The following DCC variants were observed in gnomAD, a reference collection of about 807,000 sequenced individuals.
The protein encoded by DCC is DCC netrin 1 receptor.
In DCC, 58 loss-of-function variants were observed where a neutral mutation model predicts 172.5. The ratio of observed to expected loss-of-function variants is 0.34; its 90% CI spans 0.27 to 0.42. The LOEUF is 0.42. Ranked by LOEUF, DCC falls within the 10% of genes least tolerant of loss-of-function variation. DCC has a pLI of 1.00. For missense variants in DCC, 1,740 were observed against 1,791.0 expected (o/e 0.97, Z 0.51); for synonymous variants, 709 against 644.5 (o/e 1.10, Z -1.52).
intron 2 of DCC, among the ~76,000 whole-genome samples, chr18:52,840,182 G>T (rs2038780114): frequency 6.6e-6 from 1 of 152,242 alleles, no homozygotes; most frequent in African/African-American, 2.4e-5. Context: ...ACATTTCATT[G>T]CCCAACTGTT....
At chr18:52,516,366 T>C (rs1177938203) in intron 1 of DCC, among the ~76,000 whole-genome samples, 1 of 152,170 alleles carries the variant, frequency 6.6e-6, no homozygotes, top group Non-Finnish European at 1.5e-5. Context: ...GTTAAGCAAA[T>C]TGTGATTTGT....
At chr18:52,632,490 GT>G in intron 1 of DCC, among the ~76,000 whole-genome samples, 1 of 152,324 alleles carries the variant, frequency 6.6e-6, no homozygotes, top group South Asian at 2.1e-4. Flanking sequence ...CAAAATTTCT[GT>G]TTTGCCATTT....
At chr18:52,882,943 A>G (rs2145407516) in intron 2 of DCC, among the ~76,000 whole-genome samples, 1 of 152,102 alleles carries the variant, frequency 6.6e-6, no homozygotes, top group South Asian at 2.1e-4. Flanking sequence ...CCCACATTAG[A>G]TGTGTGTATA....
At chr18:53,428,313 A>ATCAAT in intron 21 of DCC, among the ~76,000 whole-genome samples, 2 of 29,008 alleles carry the variant, frequency 6.9e-5, no homozygotes, top group Non-Finnish European at 1.7e-4. Flanking sequence ...ATAGAATATA[A>ATCAAT]TATATAATAT....
At chr18:53,147,718 T>G (rs2043936748) in intron 7 of DCC, among the ~76,000 whole-genome samples, 1 of 152,236 alleles carries the variant, frequency 6.6e-6, no homozygotes, top group Non-Finnish European at 1.5e-5. Flanking sequence ...CCTGTCATTC[T>G]GCAACTCTGA....
intron 9 of DCC, among the ~76,000 whole-genome samples, chr18:53,183,840 C>G (rs2055237278): frequency 6.6e-6 from 1 of 151,954 alleles, no homozygotes; most frequent in Admixed American, 6.6e-5. Flanking sequence ...AATAATGTCT[C>G]TGAACATTAC....
In DCC at chr18:52,497,298, TATATATATATATATATACAC is replaced by T. The variant is rs1256408914; in HGVS notation, c.91+156422_91+156441del. 2.1e-4 allele frequency among the ~76,000 whole-genome samples: 17 copies of T among 81,180 alleles called. 2 individuals are homozygous for T. The highest frequency in any genetic ancestry group is 7.3e-4 in the African/African-American group (17 of 23,148). The allele number at this position is 81,180 out of a possible 152,430, so 53.3% of individuals were successfully genotyped here. ...AAAAAAAAATATATATATATATATATATATATATATATATATACACACACACATATATATACACACGTATG... is the reference window on the plus strand; with the variant it reads ...AAAAAAAAATATATATATATATATATACACACATATATATACACACGTATG... On this transcript the variant is annotated intron_variant, in intron 1 of 28. Transcript: ENST00000442544.
chr18:52,404,701 G>A (rs1986569856), intron 1 of DCC, among the ~76,000 whole-genome samples: 1 of 149,726 alleles, frequency 6.7e-6, no homozygotes, highest in South Asian at 2.1e-4. Flanking sequence ...TAGGGTACAT[G>A]TGCACATTGT....
At chr18:53,100,210 A>AC (rs1434076149) in intron 7 of DCC, among the ~76,000 whole-genome samples, 1 of 151,626 alleles carries the variant, frequency 6.6e-6, no homozygotes, top group Admixed American at 6.6e-5. Flanking sequence ...AGACTCCCAA[A>AC]CTGCTGGGAT....
chr18:52,915,477 G>A (rs1011160193), intron 3 of DCC, among the ~76,000 whole-genome samples: 1 of 152,074 alleles, frequency 6.6e-6, no homozygotes, highest in Non-Finnish European at 1.5e-5. Flanking sequence ...TTTGACCATT[G>A]TAATGTTTTA....
At chr18:52,392,908 A>G (rs1268367224) in intron 1 of DCC, among the ~76,000 whole-genome samples, 2 of 152,082 alleles carry the variant, frequency 1.3e-5, no homozygotes, top group Non-Finnish European at 2.9e-5. Flanking sequence ...GGAAGAATAT[A>G]ATGTTATGTC....
chr18:52,739,788 G>T (rs902203766), intron 1 of DCC, among the ~76,000 whole-genome samples: 1 of 152,152 alleles, frequency 6.6e-6, no homozygotes, highest in Non-Finnish European at 1.5e-5. Context: ...TACTAACCAA[G>T]AGCTTTCTTT....
intron 2 of DCC, among the ~76,000 whole-genome samples, chr18:52,890,945 A>G (rs533006443): frequency 3.0e-4 from 45 of 152,086 alleles, no homozygotes; most frequent in Non-Finnish European, 5.9e-4. Context: ...CTCTTCCTTG[A>G]AAAGCGGAAT....
intron 5 of DCC, among the ~76,000 whole-genome samples, chr18:53,029,572 G>T (rs1184395685): frequency 1.3e-5 from 2 of 151,588 alleles, no homozygotes; most frequent in Non-Finnish European, 2.9e-5. Flanking sequence ...TATTCCAGTT[G>T]CTGTCACTAG....
At chr18:52,703,747 G>A (rs1464074635) in intron 1 of DCC, among the ~76,000 whole-genome samples, 1 of 149,186 alleles carries the variant, frequency 6.7e-6, no homozygotes, top group Non-Finnish European at 1.5e-5. Flanking sequence ...TTTTGAAAAT[G>A]TGCTCAGGTA....
At chr18:53,496,722 TAAG>T (rs2046028416) in intron 26 of DCC, among the ~76,000 whole-genome samples, 1 of 152,262 alleles carries the variant, frequency 6.6e-6, no homozygotes, top group Non-Finnish European at 1.5e-5. Flanking sequence ...GCACGGAAGT[TAAG>T]AACCTTGAGA....
intron 1 of DCC, among the ~76,000 whole-genome samples, chr18:52,690,018 T>G (rs1174962829): frequency 6.6e-6 from 1 of 152,148 alleles, no homozygotes; most frequent in Admixed American, 6.6e-5. Context: ...ATTCATTCAG[T>G]CAGTCAGCTG....
At position 52,506,078 on chromosome 18, in the gene DCC, A is replaced by ACCTTCTATAT. The variant is rs572565930; in HGVS notation, c.91+165200_91+165201insCCTTCTATAT. On this transcript the variant is annotated intron_variant, in intron 1 of 28. Transcript: ENST00000442544. ...ATAGCATCATCCTTCTATATTACCT[A>ACCTTCTATAT]TGCCATGCCAAATTCCCATAGGAAA... 7.5e-3 allele frequency among the ~76,000 whole-genome samples: 1,147 copies of ACCTTCTATAT among 152,272 alleles called. 1 individual carries two copies. Among genetic ancestry groups the ACCTTCTATAT allele is most frequent in the Middle Eastern group, 0.02 (6 of 294 alleles).
rs576383388 is a variant in DCC, at chr18:52,483,563, G to A, written c.91+142685G>A. 8.4e-4 allele frequency among the ~76,000 whole-genome samples: 128 copies of A among 152,102 alleles called. 1 individual carries two copies. The highest frequency in any genetic ancestry group is 8.3e-3 in the Admixed American group (127 of 15,272). On this transcript the variant is annotated intron_variant, in intron 1 of 28. Coordinates refer to ENST00000442544, the MANE Select transcript of DCC (RefSeq NM_005215.4). ...ATCATACTTCTTGAACGTTTTGAAGGCATTATATTCTTGTCTAGCTTAAAC... is the reference window on the plus strand; with the variant it reads ...ATCATACTTCTTGAACGTTTTGAAGACATTATATTCTTGTCTAGCTTAAAC...
Sources: allele counts gnomAD v4.1 joint callset (sites outside exome capture counted in the v4.1 genomes callset), GRCh38; gene constraint gnomAD v4.1.1; transcripts MANE v1.5; gene names NCBI Gene and HGNC (gene_info 2026-07-23, HGNC 2026-07-21).